The following ANKRD44 variants were observed in gnomAD, a reference collection of about 807,000 sequenced individuals.
The protein encoded by ANKRD44 is ankyrin repeat domain 44.
A neutral mutation model predicts 116.0 loss-of-function variants in ANKRD44; 35 were observed. The ratio of observed to expected loss-of-function variants is 0.30; its 90% confidence interval spans 0.23 to 0.40. The LOEUF (loss-of-function observed/expected upper bound fraction) is 0.40. ANKRD44 is among the 10% of genes least tolerant of loss of function. The pLI is 1.00. For missense variants in ANKRD44, 1,014 were observed against 1,242.6 expected (o/e 0.82, Z 2.77); for synonymous variants, 435 against 461.8 (o/e 0.94, Z 0.74).
intron 1 of ANKRD44, among the ~76,000 whole-genome samples, chr2:197,215,480 G>C (rs2081423727): frequency 7.2e-5 from 11 of 152,150 alleles, no homozygotes; most frequent in Admixed American, 7.2e-4. Flanking sequence ...GGGAGAGTGT[G>C]AGGTAGTAAA....
chr2:196,995,908 C>G (rs761761805), intron 25 of ANKRD44, among the ~76,000 whole-genome samples: 54 of 152,190 alleles, frequency 3.5e-4, no homozygotes, highest in Non-Finnish European at 6.8e-4. Context: ...CATCTATTAT[C>G]TATATCATTC....
chr2:197,303,718 T>G (rs1317309274), intron 1 of ANKRD44, among the ~76,000 whole-genome samples: 1 of 152,220 alleles, frequency 6.6e-6, no homozygotes, highest in Non-Finnish European at 1.5e-5. Flanking sequence ...AATTATCGAC[T>G]TAGTAATCCC....
intron 21 of ANKRD44, among the ~76,000 whole-genome samples, chr2:196,973,310 A>G (rs987318726): frequency 6.6e-6 from 1 of 152,138 alleles, no homozygotes; most frequent in African/African-American, 2.4e-5. Context: ...CTATCACTTT[A>G]TACAATCTCT....
At chr2:197,266,251 A>G (rs1026896840) in intron 1 of ANKRD44, among the ~76,000 whole-genome samples, 2 of 152,176 alleles carry the variant, frequency 1.3e-5, no homozygotes, top group African/African-American at 4.8e-5. Flanking sequence ...TTTCTGATTA[A>G]GGACCAAAAT....
intron 21 of ANKRD44, among the ~76,000 whole-genome samples, chr2:197,002,261 G>A (rs763163825): frequency 2.6e-5 from 4 of 152,112 alleles, no homozygotes; most frequent in Non-Finnish European, 5.9e-5. Flanking sequence ...CTGTGATTAG[G>A]AGAAAACAGT....
intron 16 of ANKRD44, among the ~76,000 whole-genome samples, chr2:197,066,040 A>G (rs1392310384): frequency 2.0e-5 from 3 of 152,258 alleles, no homozygotes; most frequent in Non-Finnish European, 2.9e-5. Flanking sequence ...AAAATCCTCA[A>G]TAAAACACTG....
At chr2:197,207,757 T>C (rs758950216) in intron 1 of ANKRD44, among the ~76,000 whole-genome samples, 7 of 151,962 alleles carry the variant, frequency 4.6e-5, no homozygotes, top group Non-Finnish European at 8.8e-5. Flanking sequence ...AGAAATGTTA[T>C]AGAAAAAAGG....
chr2:197,062,528 C>T (rs549039638), intron 16 of ANKRD44, among the ~76,000 whole-genome samples: 22 of 152,342 alleles, frequency 1.4e-4, no homozygotes, highest in African/African-American at 4.6e-4. Context: ...CCAAGCAGGG[C>T]GAGGCATCGC....
chr2:197,025,973 G>C (rs925097730), intron 16 of ANKRD44, among the ~76,000 whole-genome samples: 3 of 148,660 alleles, frequency 2.0e-5, no homozygotes, highest in Non-Finnish European at 4.4e-5. Flanking sequence ...TAGACCCTTG[G>C]TGGAAGAACA....
chr2:197,100,040 A>C (rs2078253494), intron 9 of ANKRD44, 110 bp from the exon 10 acceptor site: 6 of 981,998 alleles, frequency 6.1e-6, no homozygotes. Flanking sequence ...TTCCTATTCC[A>C]GTTGTGCATC....
At chr2:197,175,011 A>G (rs565307029) in intron 2 of ANKRD44, among the ~76,000 whole-genome samples, 25 of 152,322 alleles carry the variant, frequency 1.6e-4, no homozygotes, top group Non-Finnish European at 2.6e-4. Flanking sequence ...TAAAGTAAAT[A>G]TGGCAAAGTG....
intron 17 of ANKRD44, among the ~76,000 whole-genome samples, chr2:197,016,771 C>T (rs2076400341): frequency 1.3e-5 from 2 of 152,074 alleles, no homozygotes; most frequent in South Asian, 2.1e-4. Context: ...AGCCTGATTC[C>T]AGTGTCTTCA....
chr2:196,995,466 T>C lies in ANKRD44; in HGVS notation c.2749-5A>G. The C allele has an allele frequency of 6.3e-7, 1 of 1,592,316 alleles. No individual in the cohort carries two copies. Among genetic ancestry groups the C allele is most frequent in the Non-Finnish European group, 8.6e-7 (1 of 1,167,396 alleles). ...CAAGGCACATTTTTCATGACCCTAA[T>C]AAAGAAAAAGAATGATAAGAAATGC... On this transcript the variant is annotated splice_region_variant and splice_polypyrimidine_tract_variant and intron_variant, in intron 25 of 27. Coordinates refer to ENST00000282272, the MANE Select transcript of ANKRD44 (RefSeq NM_001195144.2).
At chr2:197,069,298 G>A (rs1198569789) in intron 16 of ANKRD44, among the ~76,000 whole-genome samples, 3 of 151,976 alleles carry the variant, frequency 2.0e-5, no homozygotes, top group African/African-American at 4.8e-5. Flanking sequence ...GGGGCCTGTT[G>A]TGGGGTGGGG....
chr2:197,069,544 T>C (rs1219674188), intron 16 of ANKRD44, among the ~76,000 whole-genome samples: 2 of 152,218 alleles, frequency 1.3e-5, no homozygotes, highest in Non-Finnish European at 2.9e-5. Context: ...AAGCTGTCTA[T>C]TCTGTTCCAT....
chr2:197,120,140 A>T (rs750211879), intron 8 of ANKRD44, among the ~76,000 whole-genome samples: 113 of 152,208 alleles, frequency 7.4e-4, no homozygotes, highest in Non-Finnish European at 5.3e-4. Flanking sequence ...GACTCTTCTC[A>T]TCATATCTTC....
chr2:197,203,829 C>A lies in ANKRD44; in HGVS notation c.28-16723G>T, dbSNP rs1432855041. ...TGATAGATGCTACAACATGGATGAACCTTGGAAACATTATGCTAAGTGCAA... is the reference window on the plus strand; with the variant it reads ...TGATAGATGCTACAACATGGATGAAACTTGGAAACATTATGCTAAGTGCAA... On this transcript the variant is annotated intron_variant, in intron 1 of 27. Transcript: ENST00000282272. This position sits in a 1 kb window ranked among gnomAD's most constrained non-coding sequence, Gnocchi z 4.1. 6.6e-6 allele frequency among the ~76,000 whole-genome samples: 1 copy of A among 152,150 alleles called. No individual in the cohort carries two copies. The highest frequency in any genetic ancestry group is 2.1e-4 in the South Asian group (1 of 4,832).
At chr2:197,050,274 C>T (rs918572989) in intron 16 of ANKRD44, among the ~76,000 whole-genome samples, 4 of 152,148 alleles carry the variant, frequency 2.6e-5, no homozygotes, top group East Asian at 1.9e-4. Context: ...ATGATCCAAT[C>T]GCCTCCCACC....
At chr2:197,004,063 T>C (rs1359174462) in intron 21 of ANKRD44, among the ~76,000 whole-genome samples, 1 of 151,950 alleles carries the variant, frequency 6.6e-6, no homozygotes. Context: ...TAATTGAAAA[T>C]GTAAAAAGAA....
Sources: allele counts gnomAD v4.1 joint callset (sites outside exome capture counted in the v4.1 genomes callset), GRCh38; gene constraint gnomAD v4.1.1; non-coding constraint Gnocchi (gnomAD v3.1); transcripts MANE v1.5; gene names NCBI Gene and HGNC (gene_info 2026-07-23, HGNC 2026-07-21).